The following ADGRL3 variants were observed in gnomAD, a reference collection of about 807,000 sequenced individuals.
ADGRL3 encodes adhesion G protein-coupled receptor L3, also known as calcium-independent alpha-latrotoxin receptor 3.
Under a neutral mutation model 153.5 loss-of-function variants are expected in ADGRL3, and 62 were observed. The ratio of observed to expected loss-of-function variants is 0.40; its 90% CI spans 0.33 to 0.50. ADGRL3 has a LOEUF of 0.50. ADGRL3 is among the 20% of genes least tolerant of loss of function. The pLI, the probability that ADGRL3 is intolerant of heterozygous loss-of-function variation, is 0.47. For synonymous variants in ADGRL3, 710 were observed against 672.5 expected (o/e 1.06, Z -0.86); for missense variants, 1,641 against 1,859.4 (o/e 0.88, Z 2.16).
In ADGRL3 at chr4:62,070,664, C is replaced by G. The variant is rs1344663063; in HGVS notation, c.4388C>G (p.Ala1463Gly). The change falls in exon 27 of 27, where the codon GCC (alanine) becomes GGC (glycine). Residue 1463 changes from alanine (A) to glycine (G), a missense_variant. Around this residue, in one of 5 missense-constraint regions of ADGRL3, gnomAD observed 517 missense variants for 555.0 expected, o/e 0.93. Coordinates refer to ENST00000683033, the MANE Select transcript of ADGRL3 (RefSeq NM_001387552.1). Reference sequence around the variant, plus strand: ...AGCATGCCGACACTGGCTGGTGTGGCCGCCACAGAGAGTGTTACCACCAGC... The same window carrying G: ...AGCATGCCGACACTGGCTGGTGTGGGCGCCACAGAGAGTGTTACCACCAGC... ...YTSMPTLAGV[A>G]ATESVTTSTQ... The G allele has an allele frequency of 6.4e-7, 1 of 1,551,508 alleles. No individual in the cohort carries two copies. Among genetic ancestry groups the G allele is most frequent in the Non-Finnish European group, 8.7e-7 (1 of 1,146,962 alleles).
intron 1 of ADGRL3, among the ~76,000 whole-genome samples, chr4:61,300,053 A>T (rs2094531744): frequency 6.6e-6 from 1 of 152,172 alleles, no homozygotes; most frequent in African/African-American, 2.4e-5. Context: ...ACACTTGTTA[A>T]TAATAAATAA....
intron 1 of ADGRL3, among the ~76,000 whole-genome samples, chr4:61,356,975 G>A (rs1425043340): frequency 6.6e-6 from 1 of 151,716 alleles, no homozygotes; most frequent in South Asian, 2.1e-4. Flanking sequence ...ACAAAATACA[G>A]TGCTTTATTT....
At chr4:61,348,143 C>T (rs2095962402) in intron 1 of ADGRL3, among the ~76,000 whole-genome samples, 1 of 151,914 alleles carries the variant, frequency 6.6e-6, no homozygotes, top group African/African-American at 2.4e-5. Context: ...AAGGAAGAAA[C>T]TACATCAAAT....
intron 2 of ADGRL3, among the ~76,000 whole-genome samples, chr4:61,478,319 T>G (rs1274234331): frequency 6.6e-6 from 1 of 152,100 alleles, no homozygotes; most frequent in East Asian, 1.9e-4. Flanking sequence ...TCAAAGTGAT[T>G]ATGGTAATAG....
At chr4:61,339,102 A>G (rs1208411158) in intron 1 of ADGRL3, among the ~76,000 whole-genome samples, 1 of 152,180 alleles carries the variant, frequency 6.6e-6, no homozygotes, top group Non-Finnish European at 1.5e-5. Flanking sequence ...GATTGACTCT[A>G]GAAGTGATTG....
At chr4:61,758,182 A>G (rs538204871) in intron 8 of ADGRL3, among the ~76,000 whole-genome samples, 1 of 152,076 alleles carries the variant, frequency 6.6e-6, no homozygotes, top group Non-Finnish European at 1.5e-5. Context: ...ACCTGATTCA[A>G]TTCCTGGATA....
intron 8 of ADGRL3, among the ~76,000 whole-genome samples, chr4:61,765,133 C>T (rs1176237058): frequency 6.6e-6 from 1 of 152,014 alleles, no homozygotes; most frequent in Non-Finnish European, 1.5e-5. Context: ...TTGGGGATAG[C>T]ACCAGGAGAT....
At chr4:61,542,409 T>A (rs568702266) in intron 4 of ADGRL3, among the ~76,000 whole-genome samples, 1 of 152,306 alleles carries the variant, frequency 6.6e-6, no homozygotes, top group East Asian at 1.9e-4. Flanking sequence ...TTTCTGAGAA[T>A]TGAAAAATAA....
intron 1 of ADGRL3, among the ~76,000 whole-genome samples, chr4:61,373,624 T>G (rs990513410): frequency 3.9e-5 from 6 of 152,228 alleles, no homozygotes; most frequent in African/African-American, 1.4e-4. Flanking sequence ...TGCAATACTT[T>G]AATTCAGATA....
At chr4:61,560,155 G>T (rs750066424) in intron 4 of ADGRL3, among the ~76,000 whole-genome samples, 3 of 151,958 alleles carry the variant, frequency 2.0e-5, no homozygotes, top group Non-Finnish European at 4.4e-5. Flanking sequence ...ATGGCACTTA[G>T]CCTATTATAT....
intron 2 of ADGRL3, among the ~76,000 whole-genome samples, chr4:61,411,802 T>C (rs1331557194): frequency 6.6e-6 from 1 of 152,158 alleles, no homozygotes; most frequent in Non-Finnish European, 1.5e-5. Context: ...AGGAAATACT[T>C]GGGGTATTTC....
At chr4:61,995,706 C>T (rs1254172695) in intron 19 of ADGRL3, among the ~76,000 whole-genome samples, 4 of 152,070 alleles carry the variant, frequency 2.6e-5, no homozygotes, top group Non-Finnish European at 5.9e-5. Flanking sequence ...ACTTTTGGGT[C>T]ATGAATCAAC....
At chr4:61,472,598 C>T (rs1174533343) in intron 2 of ADGRL3, among the ~76,000 whole-genome samples, 1 of 151,950 alleles carries the variant, frequency 6.6e-6, no homozygotes, top group Non-Finnish European at 1.5e-5. Context: ...CCATATTCTA[C>T]TTGTTAGAAA....
chr4:61,744,017 A>G (rs2096618524), intron 8 of ADGRL3, among the ~76,000 whole-genome samples: 1 of 152,026 alleles, frequency 6.6e-6, no homozygotes, highest in Non-Finnish European at 1.5e-5. Context: ...CCCCATACTG[A>G]GCTTTTCCGA....
intron 1 of ADGRL3, among the ~76,000 whole-genome samples, chr4:61,249,493 A>G (rs887842682): frequency 6.6e-6 from 1 of 152,146 alleles, no homozygotes; most frequent in Admixed American, 6.6e-5. Flanking sequence ...ACCTCACATT[A>G]AAGATGGCTT....
chr4:61,496,248 G>A (rs1303121600), intron 2 of ADGRL3, among the ~76,000 whole-genome samples: 2 of 152,086 alleles, frequency 1.3e-5, no homozygotes, highest in Non-Finnish European at 2.9e-5. Context: ...CTTATTTATG[G>A]TAACAGTGAT....
intron 1 of ADGRL3, among the ~76,000 whole-genome samples, chr4:61,216,239 T>A (rs1742718486): frequency 6.6e-6 from 1 of 152,186 alleles, no homozygotes; most frequent in African/African-American, 2.4e-5. Context: ...ATAATGAAGA[T>A]GTTTTGCATG....
At chr4:61,951,767 T>TG (rs1267767631) in intron 17 of ADGRL3, among the ~76,000 whole-genome samples, 1 of 151,832 alleles carries the variant, frequency 6.6e-6, no homozygotes, top group Non-Finnish European at 1.5e-5. Flanking sequence ...CAGGAGGCTG[T>TG]GGTGGGAGGA....
At chr4:61,717,557 G>T (rs1229602966) in intron 6 of ADGRL3, among the ~76,000 whole-genome samples, 1 of 152,070 alleles carries the variant, frequency 6.6e-6, no homozygotes, top group Non-Finnish European at 1.5e-5. Context: ...TGATAATATA[G>T]TTCCTATCAA....
Sources: gnomAD v4.1 joint callset for allele counts (sites outside exome capture counted in the v4.1 genomes callset) on GRCh38, gnomAD v4.1.1 for gene constraint, gnomAD v4.1.1 regional missense constraint, MANE v1.5 for transcripts, NCBI Gene and HGNC (gene_info 2026-07-23, HGNC 2026-07-21) for gene names.